Variants in PHLDB2 observed in about 807,000 individuals in gnomAD.
The protein encoded by PHLDB2 is pleckstrin homology like domain family B member 2.
PHLDB2 carries 71 observed loss-of-function variants against 123.6 expected under a neutral mutation model. The observed-to-expected ratio is 0.57, with a 90% CI of 0.47 to 0.70. The LOEUF (loss-of-function observed/expected upper bound fraction) is 0.70. PHLDB2 is among the 30% of genes least tolerant of loss of function. The pLI is 0.00. For missense variants in PHLDB2, 1,446 were observed against 1,519.5 expected (o/e 0.95, Z 0.80); for synonymous variants, 547 against 541.6 (o/e 1.01, Z -0.14).
intron 3 of PHLDB2, 70 bp downstream of exon 3, chr3:111,913,772 T>G: frequency 7.0e-7 from 1 of 1,431,536 alleles, no homozygotes; most frequent in Non-Finnish European, 9.4e-7. Context: ...GCATGAAAAC[T>G]GATGATTTTA....
chr3:111,844,125 C>T (rs189800721), intron 1 of PHLDB2, among the ~76,000 whole-genome samples: 2 of 152,268 alleles, frequency 1.3e-5, no homozygotes, highest in East Asian at 3.9e-4. Flanking sequence ...TTGACCTCAT[C>T]CTCTCTCTAT....
chr3:111,965,340 C>G (rs901856678), intron 13 of PHLDB2, among the ~76,000 whole-genome samples: 6 of 152,196 alleles, frequency 3.9e-5, no homozygotes, highest in African/African-American at 1.4e-4. Context: ...AGACAGTTCA[C>G]TCCTTAATGG....
chr3:111,907,444 A>G (rs1032714433), intron 2 of PHLDB2, among the ~76,000 whole-genome samples: 4 of 152,158 alleles, frequency 2.6e-5, no homozygotes, highest in African/African-American at 9.7e-5. Flanking sequence ...TAGTGTGCAC[A>G]TGACAGGGAG....
chr3:111,911,575 T>C (rs2067883124), intron 2 of PHLDB2: 12 of 1,522,898 alleles, frequency 7.9e-6, no homozygotes, highest in Non-Finnish European at 1.1e-5. Context: ...TGGTGGAAAC[T>C]GAAGAGATAA....
chr3:111,945,938 T>G (rs1484846768), intron 9 of PHLDB2, among the ~76,000 whole-genome samples: 1 of 152,146 alleles, frequency 6.6e-6, no homozygotes, highest in Non-Finnish European at 1.5e-5. Context: ...ATCACCACTT[T>G]GCCCACCAGA....
intron 1 of PHLDB2, among the ~76,000 whole-genome samples, chr3:111,781,900 G>A (rs180871920): frequency 9.2e-5 from 14 of 152,154 alleles, no homozygotes; most frequent in Admixed American, 7.2e-4. Flanking sequence ...TCTAAATGAT[G>A]AGATGGCAGC....
intron 12 of PHLDB2, among the ~76,000 whole-genome samples, chr3:111,957,734 A>G (rs1055716960): frequency 6.6e-6 from 1 of 152,214 alleles, no homozygotes; most frequent in Non-Finnish European, 1.5e-5. Context: ...TGGAGAGTGA[A>G]GTATAGTTTA....
At chr3:111,776,387 A>C (rs778305829) in intron 1 of PHLDB2, among the ~76,000 whole-genome samples, 9 of 152,086 alleles carry the variant, frequency 5.9e-5, no homozygotes, top group South Asian at 2.1e-4. Context: ...TATTAATGTA[A>C]CCTATTTTCA....
At chr3:111,957,300 G>T (rs1364618427) in intron 12 of PHLDB2, 1 of 152,624 alleles carries the variant, frequency 6.6e-6, no homozygotes, top group Non-Finnish European at 1.5e-5. Flanking sequence ...AATATTGAAA[G>T]GTCATTGTCA....
intron 1 of PHLDB2, among the ~76,000 whole-genome samples, chr3:111,876,312 T>A (rs137900708): frequency 2.0e-5 from 3 of 152,256 alleles, no homozygotes; most frequent in Non-Finnish European, 4.4e-5. Context: ...TATGTACAGT[T>A]GACTCTAGAG....
At chr3:111,844,808 T>C (rs952226027) in intron 1 of PHLDB2, among the ~76,000 whole-genome samples, 4 of 152,206 alleles carry the variant, frequency 2.6e-5, no homozygotes, top group African/African-American at 4.8e-5. Flanking sequence ...CTCTGGCTCC[T>C]CATTTGTTAA....
chr3:111,762,456 GA>G (rs376605257), intron 1 of PHLDB2, among the ~76,000 whole-genome samples: 32 of 152,318 alleles, frequency 2.1e-4, no homozygotes, highest in African/African-American at 7.7e-4. Context: ...CTAAGGCACA[GA>G]AGGGTTAAGT....
intron 8 of PHLDB2, among the ~76,000 whole-genome samples, chr3:111,941,336 T>C (rs1054111900): frequency 3.9e-5 from 6 of 152,200 alleles, no homozygotes; most frequent in Non-Finnish European, 8.8e-5. Context: ...ATGGGGCTAG[T>C]CTCAGATCTG....
chr3:111,959,965 G>A (rs113489783), intron 12 of PHLDB2, among the ~76,000 whole-genome samples: 8 of 152,176 alleles, frequency 5.3e-5, no homozygotes, highest in African/African-American at 1.9e-4. Flanking sequence ...CTGTCCTTTA[G>A]GGATTTGTTT....
intron 1 of PHLDB2, among the ~76,000 whole-genome samples, chr3:111,764,602 A>G (rs1401353231): frequency 6.6e-6 from 1 of 152,162 alleles, no homozygotes; most frequent in Non-Finnish European, 1.5e-5. Flanking sequence ...TACCCCACTG[A>G]TCTTCAAGTT....
intron 1 of PHLDB2, among the ~76,000 whole-genome samples, chr3:111,809,324 C>T (rs62280072): frequency 0.011 from 1,606 of 152,306 alleles, 9 homozygotes; most frequent in Non-Finnish European, 0.018. Context: ...AGGAAAACAA[C>T]TCTAAATAGT....
intron 1 of PHLDB2, among the ~76,000 whole-genome samples, chr3:111,773,961 C>T (rs1406053496): frequency 1.3e-5 from 2 of 152,164 alleles, no homozygotes; most frequent in Admixed American, 6.6e-5. Flanking sequence ...AGGAAAAAGC[C>T]AAACTGGCCT....
At chr3:111,855,103 G>GA (rs1008307918), upstream of PHLDB2, among the ~76,000 whole-genome samples, 7 of 147,448 alleles carry the variant, frequency 4.7e-5, no homozygotes, top group South Asian at 4.3e-4. Flanking sequence ...AGGGTAAAAA[G>GA]AAAAAAAAAA....
At chr3:111,973,288 G>A (rs1201871519) in intron 16 of PHLDB2, among the ~76,000 whole-genome samples, 1 of 152,108 alleles carries the variant, frequency 6.6e-6, no homozygotes, top group African/African-American at 2.4e-5. Flanking sequence ...AAATAAATAT[G>A]GGTAGAAAAT....
Sources: allele counts gnomAD v4.1 joint callset (sites outside exome capture counted in the v4.1 genomes callset), GRCh38; gene constraint gnomAD v4.1.1; transcripts MANE v1.5; gene names NCBI Gene and HGNC (gene_info 2026-07-23, HGNC 2026-07-21).